The following KDM7A variants were observed in gnomAD, a reference collection of about 807,000 sequenced individuals.
KDM7A encodes the protein lysine demethylase 7A.
Under a neutral mutation model 114.8 loss-of-function variants are expected in KDM7A, and 28 were observed. The observed-to-expected ratio is 0.24, with a 90% CI of 0.18 to 0.33. The LOEUF (loss-of-function observed/expected upper bound fraction) is 0.33. Among genes scored for constraint, KDM7A ranks in the 10% least tolerant of loss-of-function variants. The pLI is 1.00. For missense variants in KDM7A, 942 were observed against 1,142.5 expected, an observed-to-expected ratio of 0.82 and a Z score of 2.53; for synonymous variants, 423 against 397.8, an observed-to-expected ratio of 1.06 and a Z score of -0.75.
chr7:140,129,691 T>G, intron 3 of KDM7A, 38 bp from the exon 4 acceptor site: 1 of 1,413,770 alleles, frequency 7.1e-7, no homozygotes, highest in Non-Finnish European at 1.0e-6. Flanking sequence ...TCATTTTTAT[T>G]GGTAAGGTCA....
chr7:140,098,111 T>G (rs1818145090), intron 14 of KDM7A, among the ~76,000 whole-genome samples: 1 of 152,254 alleles, frequency 6.6e-6, no homozygotes, highest in Non-Finnish European at 1.5e-5. Flanking sequence ...AGCAATGGTT[T>G]GATGGATTCC....
intron 17 of KDM7A, 75 bp downstream of exon 17, chr7:140,096,480 T>C: frequency 8.6e-7 from 1 of 1,160,702 alleles, no homozygotes; most frequent in South Asian, 1.3e-5. Flanking sequence ...ATCTCTAACC[T>C]AAATGAGGAT....
chr7:140,092,262 G>A (rs1414951533), intron 18 of KDM7A, 185 bp from the exon 19 acceptor site: 1 of 606,156 alleles, frequency 1.6e-6, no homozygotes, highest in Non-Finnish European at 2.9e-6. Context: ...GAAGGACTCG[G>A]GTCTTTAAGT....
At position 140,088,956 on chromosome 7, in the gene KDM7A, G is replaced by A. The variant is rs1048666055; in HGVS notation, c.*2138C>T. 6.6e-6 allele frequency: 1 copy of A among 152,440 alleles called. No homozygotes were observed. The highest frequency in any genetic ancestry group is 1.5e-5 in the Non-Finnish European group (1 of 68,398). 9.4% of individuals were successfully genotyped at this position (152,440 alleles called of 1,614,324 possible). On this transcript the variant is annotated 3_prime_UTR_variant, in exon 20 of 20. Transcript: ENST00000397560. ...CTCAAGAGCTGTGAAAAACGTAAAG[G>A]AAAAAAGAAAACCCAGATCATGATA...
intron 10 of KDM7A, among the ~76,000 whole-genome samples, chr7:140,112,333 G>C (rs1469043098): frequency 6.6e-6 from 1 of 152,200 alleles, no homozygotes; most frequent in Non-Finnish European, 1.5e-5. Flanking sequence ...GACACAGCCA[G>C]GCACAGTGGC....
intron 1 of KDM7A, among the ~76,000 whole-genome samples, chr7:140,164,860 GGAAGCACAGGATA>G (rs1794556968): frequency 1.3e-5 from 2 of 152,234 alleles, no homozygotes; most frequent in Admixed American, 6.5e-5. Flanking sequence ...TATTGAACCT[GGAAGCACAGGATA>G]CTATTCGGTC....
At chr7:140,111,262 T>C (rs1305610693) in intron 10 of KDM7A, 78 bp from the exon 11 acceptor site, 1 of 897,042 alleles carries the variant, frequency 1.1e-6, no homozygotes, top group African/African-American at 1.7e-5. Context: ...ACTAAACCAA[T>C]TTTTGGATTC....
At chr7:140,102,593 G>A (rs1009242573) in intron 11 of KDM7A, among the ~76,000 whole-genome samples, 1 of 152,086 alleles carries the variant, frequency 6.6e-6, no homozygotes, top group African/African-American at 2.4e-5. Flanking sequence ...GGCTGGTCTT[G>A]AACTCCTGAG....
chr7:140,126,712 T>C lies in KDM7A; in HGVS notation c.813A>G (p.Leu271=), dbSNP rs1489920804. ...CTGTATAGCTGTCTTGAACTCCCAT[T>C]AAGCAATATTTCTGAACAAATGGCT... ...FPKPFVQKYC[L]MGVQDSYTDF... is the part of the protein sequence containing the mutation. The change falls in exon 6 of 20, where the codon TTA becomes TTG. Residue 271 remains leucine, a synonymous_variant. Coordinates refer to ENST00000397560, the MANE Select transcript of KDM7A (RefSeq NM_030647.2). 7 of 1,613,482 alleles carry C rather than the reference T, an allele frequency of 4.3e-6. No individual in the cohort carries two copies. Among genetic ancestry groups the C allele is most frequent in the East Asian group, 2.2e-5 (1 of 44,870 alleles).
chr7:140,171,587 A>G (rs1368124901), intron 1 of KDM7A, among the ~76,000 whole-genome samples: 1 of 128,826 alleles, frequency 7.8e-6, no homozygotes, highest in African/African-American at 2.9e-5. Context: ...ATATATTTTT[A>G]TATAGTTGTA....
At chr7:140,145,138 C>T (rs1490617355) in intron 1 of KDM7A, among the ~76,000 whole-genome samples, 1 of 152,164 alleles carries the variant, frequency 6.6e-6, no homozygotes, top group Non-Finnish European at 1.5e-5. Flanking sequence ...AAAACCATTC[C>T]TATGTATTTA....
intron 9 of KDM7A, among the ~76,000 whole-genome samples, chr7:140,118,835 G>A (rs1002596821): frequency 5.3e-5 from 8 of 152,132 alleles, no homozygotes; most frequent in African/African-American, 1.9e-4. Flanking sequence ...CAGGCTTCTA[G>A]AGGACTAGAT....
At chr7:140,171,760 A>G (rs1794645356) in intron 1 of KDM7A, among the ~76,000 whole-genome samples, 1 of 151,698 alleles carries the variant, frequency 6.6e-6, no homozygotes, top group African/African-American at 2.4e-5. Context: ...CTTGAACTTC[A>G]CATAAACAGA....
At chr7:140,174,287 T>C (rs7780117) in intron 1 of KDM7A, among the ~76,000 whole-genome samples, 38,691 of 152,128 alleles carry the variant, frequency 0.25, 5,192 homozygotes, top group Middle Eastern at 0.31. Flanking sequence ...GTTTCAAGGA[T>C]TGATGGTCAA....
At chr7:140,174,269 C>T (rs961957985) in intron 1 of KDM7A, among the ~76,000 whole-genome samples, 6 of 152,096 alleles carry the variant, frequency 3.9e-5, no homozygotes, top group African/African-American at 9.7e-5. Flanking sequence ...GACATCTGAA[C>T]CACATAAGTT....
rs1313909892 is a variant in KDM7A, at chr7:140,124,597, T to G, written c.1051+24A>C. The G allele has an allele frequency of 2.5e-6, 4 of 1,580,244 alleles. No individual in the cohort carries two copies. In the South Asian group the frequency reaches 4.6e-5, roughly 18 times the overall value. On this transcript the variant is annotated intron_variant, in intron 7 of 19. Coordinates refer to ENST00000397560, the MANE Select transcript of KDM7A (RefSeq NM_030647.2). ...CCATGTGACTATCAATCATGTTGAG[T>G]AGGGGATGGGATGAAAACCTTACCT...
At chr7:140,110,541 T>A (rs981127526) in intron 11 of KDM7A, among the ~76,000 whole-genome samples, 1 of 152,184 alleles carries the variant, frequency 6.6e-6, no homozygotes, top group African/African-American at 2.4e-5. Context: ...AGCTAGACAC[T>A]AACAGAACAA....
rs374716794 is a variant in KDM7A at position 140,172,723 on chromosome 7, G to T, written c.194+4021C>A. Among the ~76,000 whole-genome samples the T allele has an allele frequency of 1.4e-4, 21 of 151,882 alleles. 1 individual carries two copies. The highest frequency in any genetic ancestry group is 4.8e-4 in the African/African-American group (20 of 41,474). The stretch of plus-strand genomic sequence containing the variant: ...ATTTTCAAATATATTGTACTTCTGT[G>T]AAATTAAACACAATGTAGCCACTAA... On this transcript the variant is annotated intron_variant, in intron 1 of 19. Coordinates refer to ENST00000397560, the MANE Select transcript of KDM7A (RefSeq NM_030647.2).
At chr7:140,114,852 C>T (rs529133268) in intron 9 of KDM7A, among the ~76,000 whole-genome samples, 8 of 149,830 alleles carry the variant, frequency 5.3e-5, no homozygotes, top group East Asian at 2.0e-4. Context: ...CCCCTCCGCC[C>T]GGCAGCCGCC....
Sources: allele counts gnomAD v4.1 joint callset (sites outside exome capture counted in the v4.1 genomes callset), GRCh38; gene constraint gnomAD v4.1.1; transcripts MANE v1.5; gene names NCBI Gene and HGNC (gene_info 2026-07-23, HGNC 2026-07-21).